The following ADGRL1 variants were observed in gnomAD, a reference collection of about 807,000 sequenced individuals.
ADGRL1 encodes the protein CIRL-1.
Under a neutral mutation model 148.9 loss-of-function variants are expected in ADGRL1, and 31 were observed. That is an observed-to-expected ratio of 0.21 (90% confidence interval 0.16 to 0.28). The LOEUF is 0.28. Ranked by LOEUF, ADGRL1 falls within the 10% of genes least tolerant of loss-of-function variation. ADGRL1 has a pLI of 1.00. For missense variants in ADGRL1, 1,521 were observed against 2,058.8 expected (o/e 0.74, Z 5.05); for synonymous variants, 937 against 900.3 (o/e 1.04, Z -0.73).
In ADGRL1 at chr19:14,151,325, GCCCGCCCGCCTCTTCCTCGCC is replaced by G. The variant is rs1451147324; in HGVS notation, c.3937_3957del (p.Gly1313_Gly1319del). On this transcript the variant is annotated inframe_deletion, in exon 23 of 23. Coordinates refer to ENST00000361434, the MANE Select transcript of ADGRL1 (RefSeq NM_014921.5). ...ATCTCGGCCCGGTCAGCACCCCCGG[GCCCGCCCGCCTCTTCCTCGCC>G]CCCGCCCCCTGGCACAGGTGGCACA... 1 of 1,585,078 alleles carries G rather than the reference GCCCGCCCGCCTCTTCCTCGCC, an allele frequency of 6.3e-7. No homozygotes were observed. Among genetic ancestry groups the G allele is most frequent in the Non-Finnish European group, 8.6e-7 (1 of 1,167,718 alleles).
chr19:14,198,158 G>A (rs1239233996), intron 1 of ADGRL1, among the ~76,000 whole-genome samples: 1 of 152,028 alleles, frequency 6.6e-6, no homozygotes, highest in Non-Finnish European at 1.5e-5. Context: ...GTGGAAGGAG[G>A]TGAGGGCGGC....
chr19:14,172,028 G>A (rs922346881), intron 3 of ADGRL1, among the ~76,000 whole-genome samples: 3 of 152,206 alleles, frequency 2.0e-5, no homozygotes, highest in Admixed American at 6.5e-5. Context: ...GCAGACACTT[G>A]AGAAGGGACT....
intron 12 of ADGRL1, 50 bp downstream of exon 12, chr19:14,158,286 AAC>A (rs1463099978): frequency 9.6e-6 from 15 of 1,569,742 alleles, no homozygotes; most frequent in Non-Finnish European, 1.3e-5. Context: ...ACAGCCTGGG[AAC>A]ACAGAGGGTA....
Position 14,152,376 on chromosome 19 carries a change from G to C in ADGRL1, c.3582C>G (p.Pro1194=), listed in dbSNP as rs1464186204. 12 of 1,601,924 alleles carry C rather than the reference G, an allele frequency of 7.5e-6. No individual in the cohort carries two copies. The Admixed American group carries it at 1.5e-4, about 20-fold the overall frequency. The change falls in exon 21 of 23, where the codon CCC becomes CCG. Residue 1194 remains proline (P), a synonymous_variant. Transcript: ENST00000361434. The surrounding 1 kb of genome is among the most constrained non-coding windows in gnomAD (Gnocchi z 6.1). ...CTGACTCGGCGATGAGGGTGTTGTA[G>C]GGACTGGTGCCCCCACGGGGCTGCA... ...PVLQPRGGTS[P]YNTLIAESVG...
chr19:14,160,353 C>G lies in ADGRL1; in HGVS notation c.1615-56G>C. On this transcript the variant is annotated intron_variant, in intron 7 of 22. Transcript: ENST00000361434. This position sits in a 1 kb window ranked among gnomAD's most constrained non-coding sequence, Gnocchi z 5.9. ...CCCAGGACTGTCAGGGACCATCCTG[C>G]CCTCCCCGGCTTCCCTGGCCTGTGC... is the stretch of plus-strand genomic sequence containing the variant. The G allele has an allele frequency of 6.7e-7, 1 of 1,492,864 alleles. No individual in the cohort carries two copies. The highest frequency in any genetic ancestry group is 9.1e-7 in the Non-Finnish European group (1 of 1,097,640). 92.5% of individuals were successfully genotyped at this position (1,492,864 alleles called of 1,614,324 possible). A position where few individuals can be genotyped will look rare whatever the true frequency, so the allele number is the denominator to read the frequency against.
chr19:14,164,128 C>A (rs763151451), intron 4 of ADGRL1, among the ~76,000 whole-genome samples: 5 of 151,796 alleles, frequency 3.3e-5, no homozygotes, highest in South Asian at 2.1e-4. Context: ...AGTCAGTAGC[C>A]GAGGAAGGGA....
intron 4 of ADGRL1, chr19:14,167,054 A>G (rs201285592): frequency 1.3e-6 from 2 of 1,593,810 alleles, no homozygotes; most frequent in Admixed American, 1.7e-5. Flanking sequence ...CGGAAGAGAG[A>G]GAGAAAACAA....
intron 1 of ADGRL1, among the ~76,000 whole-genome samples, chr19:14,200,890 T>A (rs1435505950): frequency 9.9e-5 from 15 of 152,196 alleles, no homozygotes; most frequent in Admixed American, 7.9e-4. Context: ...AGTGCTGGGA[T>A]TACAGGCGTG....
chr19:14,157,763 G>T lies in ADGRL1; in HGVS notation c.2535+119C>A. ...CCTCATGCCCCAGGCAAGACCAGGG[G>T]CCCCCCACACCCATGGGGCTAGCCT... is the stretch of plus-strand genomic sequence containing the variant. On this transcript the variant is annotated intron_variant, in intron 13 of 22. Coordinates refer to ENST00000361434, the MANE Select transcript of ADGRL1 (RefSeq NM_014921.5). This position sits in a 1 kb window ranked among gnomAD's most constrained non-coding sequence, Gnocchi z 7.5. 7.8e-7 allele frequency: 1 copy of T among 1,274,766 alleles called. No homozygotes were observed. The highest frequency in any genetic ancestry group is 1.1e-6 in the Non-Finnish European group (1 of 937,608). 79.0% of individuals were successfully genotyped at this position (1,274,766 alleles called of 1,614,324 possible).
At position 14,150,681 on chromosome 19, in the gene ADGRL1, T is replaced by G. The variant is rs922640023; in HGVS notation, c.*192A>C. On this transcript the variant is annotated 3_prime_UTR_variant, in exon 23 of 23. Transcript: ENST00000361434. ...GGTGCGTGTGGCTGGTGGGAAACCCTGTCTGTGAACCCTGGCACCTCAGGC... is the reference window on the plus strand; with the variant it reads ...GGTGCGTGTGGCTGGTGGGAAACCCGGTCTGTGAACCCTGGCACCTCAGGC... The G allele has an allele frequency of 1.6e-6, 1 of 629,716 alleles. No homozygotes were observed. The highest frequency in any genetic ancestry group is 2.1e-5 in the South Asian group (1 of 48,198). The allele number at this position is 629,716 out of a possible 1,614,324, so 39.0% of individuals were successfully genotyped here.
intron 1 of ADGRL1, among the ~76,000 whole-genome samples, chr19:14,185,286 TTC>T (rs566995029): frequency 1.1e-3 from 160 of 151,922 alleles, no homozygotes; most frequent in South Asian, 1.9e-3. Flanking sequence ...GAAACACACA[TTC>T]TCTCTCTCTC....
rs753066747 is a variant in ADGRL1 at position 14,156,611 on chromosome 19, CTGGA to C, written c.3033+43_3033+46del. The C allele has an allele frequency of 9.1e-6, 14 of 1,534,792 alleles. No homozygotes were observed. In the South Asian group the frequency reaches 1.5e-4, roughly 17 times the overall value. On this transcript the variant is annotated intron_variant, in intron 16 of 22. Transcript: ENST00000361434. ...GGCAGGGGCTGGGGTCAAGGCCAGCCTGGATGAAGGAAGATGTGGTGCTAGGGGT... is the reference window on the plus strand; with the variant it reads ...GGCAGGGGCTGGGGTCAAGGCCAGCCTGAAGGAAGATGTGGTGCTAGGGGT...
At chr19:14,205,396 G>A (rs1044381119) in intron 1 of ADGRL1, among the ~76,000 whole-genome samples, 3 of 152,006 alleles carry the variant, frequency 2.0e-5, no homozygotes, top group East Asian at 1.9e-4. Flanking sequence ...CCGGACTGCG[G>A]CCGGCTGGAC....
At chr19:14,199,900 A>C (rs1442271923) in intron 1 of ADGRL1, among the ~76,000 whole-genome samples, 1 of 151,602 alleles carries the variant, frequency 6.6e-6, no homozygotes, top group Non-Finnish European at 1.5e-5. Flanking sequence ...CACCCAGCTA[A>C]TTTTTGTATT....
At chr19:14,163,470 GA>G (rs1969631769) in intron 4 of ADGRL1, 64 bp from the exon 5 acceptor site, 21 of 678,356 alleles carry the variant, frequency 3.1e-5, no homozygotes, top group Admixed American at 9.5e-5. Context: ...AGGGAGGAGA[GA>G]GAGAGAGAGA....
intron 1 of ADGRL1, among the ~76,000 whole-genome samples, chr19:14,205,412 G>A (rs1972923415): frequency 2.6e-5 from 4 of 151,790 alleles, no homozygotes; most frequent in Admixed American, 2.6e-4. Context: ...TGGACACCCA[G>A]ACGGACCCCT....
intron 1 of ADGRL1, among the ~76,000 whole-genome samples, chr19:14,193,271 CAA>C (rs34844517): frequency 1.4e-4 from 7 of 48,618 alleles, no homozygotes; most frequent in Admixed American, 3.0e-4. Flanking sequence ...CCCCCACCGC[CAA>C]AAAAAAAAAA....
intron 4 of ADGRL1, among the ~76,000 whole-genome samples, chr19:14,163,946 GT>G (rs5827221): frequency 2.2e-4 from 33 of 148,066 alleles, no homozygotes; most frequent in South Asian, 6.4e-4. Context: ...CCCGGACAGT[GT>G]TTTTTTTTTT....
At chr19:14,183,222 A>C (rs1415884266) in intron 2 of ADGRL1, among the ~76,000 whole-genome samples, 1 of 146,572 alleles carries the variant, frequency 6.8e-6, no homozygotes, top group Non-Finnish European at 1.5e-5. Flanking sequence ...AGAGAGCGAG[A>C]GAGAGACAGA....
Sources: allele counts gnomAD v4.1 joint callset (sites outside exome capture counted in the v4.1 genomes callset), GRCh38; gene constraint gnomAD v4.1.1; non-coding constraint Gnocchi (gnomAD v3.1); transcripts MANE v1.5; gene names NCBI Gene and HGNC (gene_info 2026-07-23, HGNC 2026-07-21).